The following EDNRA variants were observed in gnomAD, a reference collection of about 807,000 sequenced individuals.
EDNRA encodes endothelin-1 receptor.
In EDNRA, 11 loss-of-function variants were observed where a neutral mutation model predicts 41.4. The ratio of observed to expected loss-of-function variants is 0.27; its 90% CI spans 0.17 to 0.44. The LOEUF is 0.44. Ranked by LOEUF, EDNRA falls within the 20% of genes least tolerant of loss-of-function variation. The pLI is 1.00. For missense variants in EDNRA, 294 were observed against 531.0 expected, an observed-to-expected ratio of 0.55 and a Z score of 4.39; for synonymous variants, 172 against 183.0, an observed-to-expected ratio of 0.94 and a Z score of 0.49.
At chr4:147,484,427 C>A (rs765941354) in intron 1 of EDNRA, among the ~76,000 whole-genome samples, 1 of 152,126 alleles carries the variant, frequency 6.6e-6, no homozygotes, top group Non-Finnish European at 1.5e-5. Flanking sequence ...TTAACAGCTC[C>A]GGCTCAGAGT....
chr4:147,526,887 G>C (rs1035450951), intron 3 of EDNRA, among the ~76,000 whole-genome samples: 1 of 152,174 alleles, frequency 6.6e-6, no homozygotes, highest in Non-Finnish European at 1.5e-5. Context: ...ACAGGTTCTG[G>C]AGGCTACAGC....
Position 147,486,267 on chromosome 4 carries a change from T to C in EDNRA, c.420+166T>C, listed in dbSNP as rs1728942839. On this transcript the variant is annotated intron_variant, in intron 2 of 7. Coordinates refer to ENST00000651419, the MANE Select transcript of EDNRA (RefSeq NM_001957.4). The surrounding 1 kb of genome is among the most constrained non-coding windows in gnomAD (Gnocchi z 4.3). ...GTTTTAAGATTTACAAATTTTATTA[T>C]CTGTCTTATGTTACACTTAGTTTCT... Among the ~76,000 whole-genome samples the C allele has an allele frequency of 6.6e-6, 1 of 152,254 alleles. No individual in the cohort carries two copies. Among genetic ancestry groups the C allele is most frequent in the Admixed American group, 6.5e-5 (1 of 15,292 alleles).
chr4:147,535,945 G>C lies in EDNRA; in HGVS notation c.816G>C (p.Ala272=), dbSNP rs200693894. Residue 272 remains alanine, a synonymous_variant, in exon 5 of 8, where the codon GCG becomes GCC. Transcript: ENST00000651419. ...FYFCMPLVCT[A]IFYTLMTCEM... ...TCTGTATGCCCTTGGTGTGCACTGC[G>C]ATCTTCTACACCCTCATGACTTGTG... 6.2e-7 allele frequency: 1 copy of C among 1,613,444 alleles called. No homozygotes were observed.
rs899840422 is a variant in EDNRA at position 147,486,614 on chromosome 4, T to G, written c.420+513T>G. On this transcript the variant is annotated intron_variant, in intron 2 of 7. Coordinates refer to ENST00000651419, the MANE Select transcript of EDNRA (RefSeq NM_001957.4). The surrounding 1 kb of genome is among the most constrained non-coding windows in gnomAD (Gnocchi z 4.3). ...GATTAAAGCCAAAGGGCATCCTGGC[T>G]TTTCTCAGTGATATGGGTGACTTAG... is the stretch of plus-strand genomic sequence containing the variant. Among the ~76,000 whole-genome samples, 6 of 152,244 alleles carry G rather than the reference T, an allele frequency of 3.9e-5. No homozygotes were observed. The highest frequency in any genetic ancestry group is 1.4e-4 in the African/African-American group (6 of 41,474).
intron 2 of EDNRA, among the ~76,000 whole-genome samples, chr4:147,517,763 C>G (rs1469422013): frequency 1.3e-5 from 2 of 152,164 alleles, no homozygotes; most frequent in Admixed American, 1.3e-4. Context: ...TGATGTCTTT[C>G]CTCTCTGTCC....
intron 3 of EDNRA, among the ~76,000 whole-genome samples, chr4:147,525,592 A>G (rs1730508355): frequency 3.1e-5 from 4 of 128,266 alleles, no homozygotes; most frequent in African/African-American, 1.3e-4. Flanking sequence ...GTTTGTTTGG[A>G]GGCAAAAAAA....
At chr4:147,490,147 T>TCACACACACACA (rs35106938) in intron 2 of EDNRA, 3 of 140,790 alleles carry the variant, frequency 2.1e-5, no homozygotes, top group Admixed American at 7.1e-5. Context: ...TTACATACAC[T>TCACACACACACA]CACACACACA....
chr4:147,484,886 G>T (rs1161690138), intron 1 of EDNRA, among the ~76,000 whole-genome samples: 1 of 152,178 alleles, frequency 6.6e-6, no homozygotes, highest in East Asian at 1.9e-4. Context: ...AAAATTGTTA[G>T]ATGTGTTAAT....
intron 2 of EDNRA, among the ~76,000 whole-genome samples, chr4:147,499,831 G>C (rs1188917319): frequency 8.4e-6 from 1 of 119,238 alleles, no homozygotes. Context: ...TTGAGACGGA[G>C]TCTCACTCTG....
chr4:147,499,397 G>A (rs945604160), intron 2 of EDNRA, among the ~76,000 whole-genome samples: 1 of 152,102 alleles, frequency 6.6e-6, no homozygotes, highest in African/African-American at 2.4e-5. Context: ...AATAATGAAG[G>A]GACCATTTCA....
chr4:147,521,097 A>C (rs1457771869), intron 3 of EDNRA, among the ~76,000 whole-genome samples: 1 of 152,090 alleles, frequency 6.6e-6, no homozygotes, highest in African/African-American at 2.4e-5. Context: ...TCTCTACCAA[A>C]AATACAAAAA....
At chr4:147,502,999 T>G (rs1441304678) in intron 2 of EDNRA, among the ~76,000 whole-genome samples, 2 of 152,206 alleles carry the variant, frequency 1.3e-5, no homozygotes, top group Middle Eastern at 3.2e-3. Flanking sequence ...TTTAGTTTTT[T>G]TAAGAAAACA....
At chr4:147,531,486 G>T (rs901201403) in intron 3 of EDNRA, among the ~76,000 whole-genome samples, 1 of 152,144 alleles carries the variant, frequency 6.6e-6, no homozygotes, top group East Asian at 1.9e-4. Context: ...ATGCTTTAAG[G>T]TTTCTTTTTT....
At position 147,519,372 on chromosome 4, in the gene EDNRA, C is replaced by T. The variant is rs575062763; in HGVS notation, c.421-479C>T. Among the ~76,000 whole-genome samples, 2 of 152,224 alleles carry T rather than the reference C, an allele frequency of 1.3e-5. No individual in the cohort carries two copies. The highest frequency in any genetic ancestry group is 4.1e-4 in the South Asian group (2 of 4,824). Reference sequence around the variant, plus strand: ...CCAGTAGTTGAAATTATTTGCTTTACTCATGGTTTAGTAAGCACAGATAAA... The same window carrying T: ...CCAGTAGTTGAAATTATTTGCTTTATTCATGGTTTAGTAAGCACAGATAAA... On this transcript the variant is annotated intron_variant, in intron 2 of 7. Transcript: ENST00000651419. This position sits in a 1 kb window ranked among gnomAD's most constrained non-coding sequence, Gnocchi z 4.1.
At chr4:147,511,334 TTC>T (rs1729915184) in intron 2 of EDNRA, among the ~76,000 whole-genome samples, 2 of 152,338 alleles carry the variant, frequency 1.3e-5, no homozygotes, top group South Asian at 4.1e-4. Flanking sequence ...TCTAATGAAT[TTC>T]TGTTGTTAAA....
Position 147,519,549 on chromosome 4 carries a change from AT to A in EDNRA, c.421-301del, listed in dbSNP as rs1269945547. ...ATTATATAACTATAATATATTTAAT[AT>A]ATATGTATTATATTAATACACTATA... On this transcript the variant is annotated intron_variant, in intron 2 of 7. Coordinates refer to ENST00000651419, the MANE Select transcript of EDNRA (RefSeq NM_001957.4). This position sits in a 1 kb window ranked among gnomAD's most constrained non-coding sequence, Gnocchi z 4.1. Among the ~76,000 whole-genome samples the A allele has an allele frequency of 6.7e-6, 1 of 148,912 alleles. No homozygotes were observed. The highest frequency in any genetic ancestry group is 2.4e-5 in the African/African-American group (1 of 40,938).
chr4:147,490,917 A>G (rs1044610538), intron 2 of EDNRA: 1 of 152,158 alleles, frequency 6.6e-6, no homozygotes, highest in South Asian at 2.1e-4. Context: ...ATGCAGGGAG[A>G]TGTATGTATG....
At chr4:147,503,645 C>T (rs955609857) in intron 2 of EDNRA, among the ~76,000 whole-genome samples, 1 of 152,008 alleles carries the variant, frequency 6.6e-6, no homozygotes, top group Non-Finnish European at 1.5e-5. Context: ...TTTGCTATAC[C>T]AGCAAAGAAA....
Position 147,525,155 on chromosome 4 carries a change from G to A in EDNRA, c.548+5177G>A, listed in dbSNP as rs150592105. Among the ~76,000 whole-genome samples the A allele has an allele frequency of 4.1e-4, 63 of 152,234 alleles. 1 individual carries two copies. Among genetic ancestry groups the A allele is most frequent in the African/African-American group, 1.3e-3 (52 of 41,566 alleles). ...TTCTATAGGATTTCTTTATTACTTC[G>A]TCAATCAATGATTACAGAATGATGT... On this transcript the variant is annotated intron_variant, in intron 3 of 7. Transcript: ENST00000651419.
Sources: allele counts gnomAD v4.1 joint callset (sites outside exome capture counted in the v4.1 genomes callset), GRCh38; gene constraint gnomAD v4.1.1; non-coding constraint Gnocchi (gnomAD v3.1); transcripts MANE v1.5; gene names NCBI Gene and HGNC (gene_info 2026-07-23, HGNC 2026-07-21).